Variants in NUP210L observed in about 807,000 individuals in gnomAD.
NUP210L encodes nucleoporin 210 like.
NUP210L carries 74 observed loss-of-function variants against 208.5 expected under a neutral mutation model. The observed-to-expected ratio is 0.35, with a 90% confidence interval of 0.29 to 0.43. The LOEUF (loss-of-function observed/expected upper bound fraction) is 0.43, where lower values mean the gene tolerates loss of function less well. Among genes scored for constraint, NUP210L ranks in the 20% least tolerant of loss-of-function variants. The probability of loss-of-function intolerance (pLI) is 1.00; values close to 1 mark genes in which losing one functional copy is unlikely to be tolerated. For synonymous variants in NUP210L, 780 were observed against 816.9 expected, an observed-to-expected ratio of 0.95 and a Z score of 0.77; for missense variants, 1,843 against 2,289.4, an observed-to-expected ratio of 0.81 and a Z score of 3.98.
chr1:154,056,316 G>A (rs575799707), intron 23 of NUP210L, among the ~76,000 whole-genome samples: 4 of 152,044 alleles, frequency 2.6e-5, no homozygotes, highest in Middle Eastern at 3.4e-3. Context: ...CACTACACAT[G>A]TTTTTCCAAA....
At chr1:154,126,566 A>T (rs1377935865) in intron 9 of NUP210L, 103 bp from the exon 10 acceptor site, 1 of 995,620 alleles carries the variant, frequency 1.0e-6, no homozygotes, top group Non-Finnish European at 1.4e-6. Context: ...GCATTCATGG[A>T]ATAAAGAGAT....
At chr1:154,063,593 C>T (rs1654247499) in intron 17 of NUP210L, among the ~76,000 whole-genome samples, 1 of 152,164 alleles carries the variant, frequency 6.6e-6, no homozygotes, top group African/African-American at 2.4e-5. Context: ...GCTGCTTCAT[C>T]TATTTACCTT....
intron 12 of NUP210L, among the ~76,000 whole-genome samples, chr1:154,109,715 T>C (rs1656947435): frequency 6.6e-6 from 1 of 151,404 alleles, no homozygotes; most frequent in Non-Finnish European, 1.5e-5. Flanking sequence ...CTGACTACAG[T>C]GTACTAAAAC....
intron 27 of NUP210L, 35 bp downstream of exon 27, chr1:154,046,034 C>G: frequency 6.4e-7 from 1 of 1,574,428 alleles, no homozygotes; most frequent in Non-Finnish European, 8.6e-7. Context: ...ATATCAAGAT[C>G]CCTAAGATAA....
At chr1:153,994,322 C>G (rs930511289) in intron 38 of NUP210L, among the ~76,000 whole-genome samples, 2 of 148,820 alleles carry the variant, frequency 1.3e-5, no homozygotes, top group Non-Finnish European at 3.0e-5. Context: ...AGTTGAGGAC[C>G]TTTTTTTTTT....
chr1:154,052,942 G>C (rs1464558373), intron 25 of NUP210L, among the ~76,000 whole-genome samples: 1 of 152,238 alleles, frequency 6.6e-6, no homozygotes, highest in Non-Finnish European at 1.5e-5. Context: ...GAAATGATAA[G>C]AGGTATGGCA....
At chr1:154,141,332 G>T in intron 4 of NUP210L, 99 bp downstream of exon 4, 1 of 753,508 alleles carries the variant, frequency 1.3e-6, no homozygotes, top group Non-Finnish European at 2.4e-6. Flanking sequence ...AGATAGCAGG[G>T]TCATCAAAGT....
At chr1:154,081,136 T>C (rs1470120007) in intron 16 of NUP210L, among the ~76,000 whole-genome samples, 3 of 151,962 alleles carry the variant, frequency 2.0e-5, no homozygotes, top group Non-Finnish European at 4.4e-5. Flanking sequence ...AAATTTTATG[T>C]TCCATGAAAA....
chr1:153,995,003 C>T (rs1178257882), intron 38 of NUP210L, 73 bp downstream of exon 38: 6 of 985,702 alleles, frequency 6.1e-6, no homozygotes, highest in Non-Finnish European at 9.1e-6. Context: ...CAGACTTAAA[C>T]TCCATCTCAA....
chr1:154,009,119 AG>A (rs1383465166), intron 35 of NUP210L, among the ~76,000 whole-genome samples: 1 of 152,014 alleles, frequency 6.6e-6, no homozygotes, highest in African/African-American at 2.4e-5. Context: ...CATGTTGGCC[AG>A]GCTGGTCTCC....
chr1:154,130,576 AT>A (rs765115829), intron 7 of NUP210L, among the ~76,000 whole-genome samples: 22,785 of 99,080 alleles, frequency 0.23, 1,820 homozygotes, highest in Admixed American at 0.32. Flanking sequence ...CCTGGCCCCA[AT>A]TTTTTTTTTT....
intron 14 of NUP210L, among the ~76,000 whole-genome samples, chr1:154,095,366 T>C (rs1416139445): frequency 6.6e-6 from 1 of 152,198 alleles, no homozygotes; most frequent in Non-Finnish European, 1.5e-5. Flanking sequence ...TGTTACTTTA[T>C]CCATTAATTT....
chr1:154,030,087 C>A, intron 27 of NUP210L, 33 bp from the exon 28 acceptor site: 1 of 1,396,472 alleles, frequency 7.2e-7, no homozygotes, highest in South Asian at 1.5e-5. Context: ...AAGAAATATT[C>A]ATCAATAAAC....
chr1:154,092,371 G>T (rs1336067002), intron 15 of NUP210L, among the ~76,000 whole-genome samples: 1 of 144,238 alleles, frequency 6.9e-6, no homozygotes, highest in Non-Finnish European at 1.5e-5. Context: ...TAGCCACCGC[G>T]CCCGGCCTTT....
intron 5 of NUP210L, among the ~76,000 whole-genome samples, 193 bp downstream of exon 5, chr1:154,139,609 G>C (rs950400063): frequency 2.0e-4 from 31 of 151,480 alleles, no homozygotes; most frequent in Non-Finnish European, 4.0e-4. Flanking sequence ...CAGGCAGACT[G>C]CTTGAGCTCA....
chr1:154,008,519 C>G (rs960806239), intron 35 of NUP210L, among the ~76,000 whole-genome samples: 19 of 152,136 alleles, frequency 1.2e-4, no homozygotes, highest in African/African-American at 4.6e-4. Context: ...CCAGCCTGAC[C>G]AACATTGTGA....
intron 37 of NUP210L, among the ~76,000 whole-genome samples, chr1:153,999,169 A>G (rs1013152288): frequency 6.6e-6 from 1 of 152,190 alleles, no homozygotes; most frequent in African/African-American, 2.4e-5. Context: ...GAGATACACT[A>G]TAATTTAGCT....
intron 15 of NUP210L, among the ~76,000 whole-genome samples, chr1:154,093,183 C>A (rs571517231): frequency 9.2e-5 from 14 of 152,200 alleles, no homozygotes; most frequent in Non-Finnish European, 1.3e-4. Flanking sequence ...AATCCCAGCA[C>A]TTTGGGAGGC....
At chr1:154,107,969 G>A (rs1656853289) in intron 12 of NUP210L, among the ~76,000 whole-genome samples, 1 of 152,106 alleles carries the variant, frequency 6.6e-6, no homozygotes, top group South Asian at 2.1e-4. Context: ...AAATCTAAGA[G>A]CTACTGGCCT....
Sources: gnomAD v4.1 joint callset for allele counts (sites outside exome capture counted in the v4.1 genomes callset) on GRCh38, gnomAD v4.1.1 for gene constraint, MANE v1.5 for transcripts, NCBI Gene and HGNC (gene_info 2026-07-23, HGNC 2026-07-21) for gene names.